CNTN3: variants seen among roughly 807,000 people sequenced by gnomAD.
The protein encoded by CNTN3 is contactin-3.
A neutral mutation model predicts 119.1 loss-of-function variants in CNTN3; 60 were observed. The ratio of observed to expected loss-of-function variants is 0.50; its 90% CI spans 0.41 to 0.62. The LOEUF (loss-of-function observed/expected upper bound fraction) is 0.62, where lower values mean the gene tolerates loss of function less well. Among genes scored for constraint, CNTN3 ranks in the 20% least tolerant of loss-of-function variants. The probability of loss-of-function intolerance (pLI) is 0.00; values close to 1 mark genes in which losing one functional copy is unlikely to be tolerated. For missense variants in CNTN3, 1,101 were observed against 1,242.4 expected (o/e 0.89, Z 1.71); for synonymous variants, 450 against 438.7 (o/e 1.03, Z -0.32).
At chr3:74,407,219 G>A (rs1306055305) in intron 5 of CNTN3, among the ~76,000 whole-genome samples, 5 of 150,950 alleles carry the variant, frequency 3.3e-5, no homozygotes, top group East Asian at 2.0e-4. Context: ...TTACAATGGA[G>A]AGAATATGAA....
chr3:74,435,846 A>G (rs904351835), intron 4 of CNTN3, among the ~76,000 whole-genome samples: 1 of 152,204 alleles, frequency 6.6e-6, no homozygotes, highest in East Asian at 1.9e-4. Flanking sequence ...TTGTCTTTGT[A>G]TTATGCAATA....
At chr3:74,352,881 T>C (rs1014837039) in intron 11 of CNTN3, among the ~76,000 whole-genome samples, 2 of 152,164 alleles carry the variant, frequency 1.3e-5, no homozygotes, top group Non-Finnish European at 2.9e-5. Flanking sequence ...TGAAACTCAC[T>C]GAGCTTGCAC....
At chr3:74,321,038 A>C (rs762860072) in intron 13 of CNTN3, among the ~76,000 whole-genome samples, 81 of 152,176 alleles carry the variant, frequency 5.3e-4, no homozygotes, top group Non-Finnish European at 9.4e-4. Flanking sequence ...AGCAACAGAA[A>C]ACCAAATACC....
intron 1 of CNTN3, among the ~76,000 whole-genome samples, chr3:74,523,815 A>G (rs1703577454): frequency 1.3e-5 from 2 of 151,934 alleles, no homozygotes; most frequent in Admixed American, 1.3e-4. Flanking sequence ...AGAGAATATT[A>G]TAAACTCTTA....
chr3:74,426,589 T>C (rs1559596034), intron 4 of CNTN3, among the ~76,000 whole-genome samples: 1 of 152,154 alleles, frequency 6.6e-6, no homozygotes, highest in Non-Finnish European at 1.5e-5. Context: ...GTTATAAATA[T>C]GGAGTAAAGT....
intron 7 of CNTN3, 88 bp downstream of exon 7, chr3:74,369,801 T>TA (rs1704292103): frequency 5.8e-6 from 4 of 687,994 alleles, no homozygotes; most frequent in East Asian, 6.3e-5. Context: ...TTTTAGAAAA[T>TA]AAAAAAGAAG....
intron 1 of CNTN3, among the ~76,000 whole-genome samples, chr3:74,595,201 T>C (rs1704784062): frequency 6.6e-6 from 1 of 151,852 alleles, no homozygotes; most frequent in African/African-American, 2.4e-5. Context: ...TAGCCCTTTG[T>C]CAGATGAGTA....
At chr3:74,284,722 T>C (rs999584233) in intron 20 of CNTN3, among the ~76,000 whole-genome samples, 12 of 152,194 alleles carry the variant, frequency 7.9e-5, no homozygotes, top group African/African-American at 2.9e-4. Flanking sequence ...CTAATATAAT[T>C]GTAACTCATG....
chr3:74,347,402 T>G (rs1298143256), intron 11 of CNTN3, among the ~76,000 whole-genome samples: 2 of 152,092 alleles, frequency 1.3e-5, no homozygotes, highest in African/African-American at 4.8e-5. Flanking sequence ...CCAACATGCC[T>G]GGGTAATTTT....
At chr3:74,582,784 T>TGC (rs1704535019) in intron 1 of CNTN3, among the ~76,000 whole-genome samples, 1 of 21,946 alleles carries the variant, frequency 4.6e-5, no homozygotes. Flanking sequence ...TGTATGCATT[T>TGC]GTGTGTGTGT....
chr3:74,327,921 C>T lies in CNTN3; in HGVS notation c.1668+6814G>A, dbSNP rs571824812. On this transcript the variant is annotated intron_variant, in intron 13 of 22. Transcript: ENST00000263665. Reference sequence around the variant, plus strand: ...CTTTTTTATCTCTTATATTCTTTTTCTAATGTCTAATTTTAGTTTTTCTTT... The same window carrying T: ...CTTTTTTATCTCTTATATTCTTTTTTTAATGTCTAATTTTAGTTTTTCTTT... Among the ~76,000 whole-genome samples the T allele has an allele frequency of 2.6e-5, 4 of 151,320 alleles. No individual in the cohort carries two copies. In the South Asian group the frequency reaches 8.4e-4, roughly 32 times the overall value.
chr3:74,556,568 T>C (rs145576429), intron 1 of CNTN3, among the ~76,000 whole-genome samples: 1 of 152,296 alleles, frequency 6.6e-6, no homozygotes, highest in East Asian at 1.9e-4. Context: ...TTTTTCCTCT[T>C]TGGCTATTGT....
chr3:74,422,399 A>G (rs1701630115), intron 5 of CNTN3, among the ~76,000 whole-genome samples: 1 of 152,276 alleles, frequency 6.6e-6, no homozygotes, highest in Non-Finnish European at 1.5e-5. Context: ...TTTGACTTAC[A>G]CTGTCATCCC....
rs760154479 is a variant in CNTN3, at chr3:74,369,386, T to A, written c.762-13A>T. ...CTGAGGTATGGGACTAAGAAGAAAA[T>A]CGTCAAGTTGTCTGCTATTGTCTGG... On this transcript the variant is annotated splice_polypyrimidine_tract_variant and intron_variant, in intron 7 of 22. Coordinates refer to ENST00000263665, the MANE Select transcript of CNTN3 (RefSeq NM_020872.3). The A allele has an allele frequency of 3.8e-6, 6 of 1,574,698 alleles. No homozygotes were observed. The highest frequency in any genetic ancestry group is 1.7e-6 in the Non-Finnish European group (2 of 1,162,768).
At chr3:74,378,576 C>T (rs1704538986) in intron 5 of CNTN3, among the ~76,000 whole-genome samples, 1 of 152,120 alleles carries the variant, frequency 6.6e-6, no homozygotes, top group Non-Finnish European at 1.5e-5. Context: ...GGTTCTAGGC[C>T]ACAGGTTAGT....
intron 4 of CNTN3, among the ~76,000 whole-genome samples, chr3:74,425,362 A>G (rs894664757): frequency 1.1e-4 from 16 of 152,196 alleles, no homozygotes; most frequent in African/African-American, 3.1e-4. Context: ...TCCTGCATGG[A>G]AAACAATTTT....
chr3:74,355,287 A>G (rs1308222066), intron 11 of CNTN3, among the ~76,000 whole-genome samples: 1 of 152,016 alleles, frequency 6.6e-6, no homozygotes, highest in Non-Finnish European at 1.5e-5. Flanking sequence ...GGTCTTGTTG[A>G]TATAACATTT....
chr3:74,484,531 T>A (rs948198166), intron 4 of CNTN3, among the ~76,000 whole-genome samples: 6 of 152,164 alleles, frequency 3.9e-5, no homozygotes, highest in Admixed American at 3.9e-4. Context: ...GAAACTCTCC[T>A]GAACTGTATA....
chr3:74,294,643 C>T (rs1170647882), intron 19 of CNTN3, among the ~76,000 whole-genome samples: 1 of 152,090 alleles, frequency 6.6e-6, no homozygotes, highest in Non-Finnish European at 1.5e-5. Context: ...TCCTCTGTTT[C>T]AGATGTTTCG....
Sources: allele counts gnomAD v4.1 joint callset (sites outside exome capture counted in the v4.1 genomes callset), GRCh38; gene constraint gnomAD v4.1.1; transcripts MANE v1.5; gene names NCBI Gene and HGNC (gene_info 2026-07-23, HGNC 2026-07-21).